The following CSRNP3 variants were observed in gnomAD, a reference collection of about 807,000 sequenced individuals.
The protein encoded by CSRNP3 is cysteine/serine-rich nuclear protein 3.
A neutral mutation model predicts 48.0 loss-of-function variants in CSRNP3; 12 were observed. The ratio of observed to expected loss-of-function variants is 0.25; its 90% CI spans 0.16 to 0.41. The LOEUF (loss-of-function observed/expected upper bound fraction) is 0.41, where lower values mean the gene tolerates loss of function less well. CSRNP3 is among the 10% of genes least tolerant of loss of function. The pLI, the probability that CSRNP3 is intolerant of heterozygous loss-of-function variation, is 1.00. For missense variants in CSRNP3, 580 were observed against 724.4 expected, an observed-to-expected ratio of 0.80 and a Z score of 2.29; for synonymous variants, 263 against 269.7, an observed-to-expected ratio of 0.98 and a Z score of 0.24.
At chr2:165,650,084 C>T (rs1288831845) in intron 4 of CSRNP3, among the ~76,000 whole-genome samples, 1 of 152,024 alleles carries the variant, frequency 6.6e-6, no homozygotes, top group African/African-American at 2.4e-5. Context: ...CCCAATTAGT[C>T]TTTATTTTCA....
At chr2:165,512,885 A>G (rs1039330265) in intron 2 of CSRNP3, among the ~76,000 whole-genome samples, 2 of 152,338 alleles carry the variant, frequency 1.3e-5, no homozygotes. Context: ...AGGGAGGATC[A>G]CAAGGTCAGG....
intron 4 of CSRNP3, among the ~76,000 whole-genome samples, chr2:165,599,443 C>T (rs2105299624): frequency 6.6e-6 from 1 of 152,244 alleles, no homozygotes; most frequent in South Asian, 2.1e-4. Flanking sequence ...GTGCACACCA[C>T]TGCACCAGGC....
intron 4 of CSRNP3, among the ~76,000 whole-genome samples, chr2:165,643,960 C>T (rs1037978647): frequency 6.6e-6 from 1 of 152,142 alleles, no homozygotes; most frequent in African/African-American, 2.4e-5. Context: ...TTTGTAAAAC[C>T]ATCACTAATT....
At chr2:165,630,306 A>G (rs1174917907) in intron 4 of CSRNP3, among the ~76,000 whole-genome samples, 1 of 152,126 alleles carries the variant, frequency 6.6e-6, no homozygotes, top group Non-Finnish European at 1.5e-5. Context: ...TAGAATAGCC[A>G]TTTTTATTTC....
intron 3 of CSRNP3, among the ~76,000 whole-genome samples, chr2:165,584,175 G>T (rs1685591392): frequency 6.6e-6 from 1 of 152,074 alleles, no homozygotes; most frequent in Admixed American, 6.6e-5. Flanking sequence ...AAGATGTCAG[G>T]ATATTAGGAC....
chr2:165,622,238 C>T (rs113075254), intron 4 of CSRNP3, among the ~76,000 whole-genome samples: 2,937 of 152,188 alleles, frequency 0.019, 86 homozygotes, highest in African/African-American at 0.065. Flanking sequence ...GTTCATCATG[C>T]TATTAGGCAG....
At chr2:165,639,395 G>C (rs904367684) in intron 4 of CSRNP3, among the ~76,000 whole-genome samples, 1 of 152,136 alleles carries the variant, frequency 6.6e-6, no homozygotes, top group Non-Finnish European at 1.5e-5. Flanking sequence ...TATTGATTTG[G>C]AGTTACAAAT....
chr2:165,674,769 T>C (rs1465872148), intron 5 of CSRNP3, among the ~76,000 whole-genome samples: 2 of 149,286 alleles, frequency 1.3e-5, no homozygotes, highest in Admixed American at 1.3e-4. Flanking sequence ...TGGAATGCAG[T>C]GGTGCAATCA....
rs370659277 is a variant in CSRNP3 at position 165,684,472 on chromosome 2, T to A, written c.*4719T>A. ...CAGGCTTTAATGGGAAGCACCTTTG[T>A]GCTTTCAAAGGCAAGACTTGTCTGT... is the stretch of plus-strand genomic sequence containing the variant. On this transcript the variant is annotated 3_prime_UTR_variant, in exon 7 of 7. Transcript: ENST00000651982. 1 of 152,154 alleles carries A rather than the reference T, an allele frequency of 6.6e-6. No individual in the cohort carries two copies. The highest frequency in any genetic ancestry group is 1.5e-5 in the Non-Finnish European group (1 of 68,004). The allele number at this position is 152,154 out of a possible 1,614,324, so 9.4% of individuals were successfully genotyped here. A position where few individuals can be genotyped will look rare whatever the true frequency, so the allele number is the denominator to read the frequency against.
intron 4 of CSRNP3, among the ~76,000 whole-genome samples, chr2:165,599,328 AG>A (rs1183966248): frequency 1.5e-3 from 223 of 151,198 alleles, no homozygotes; most frequent in African/African-American, 5.1e-3. Flanking sequence ...AAAGAAAGAA[AG>A]GAAAAGAAAA....
intron 1 of CSRNP3, among the ~76,000 whole-genome samples, chr2:165,480,617 A>T (rs1006671163): frequency 3.3e-5 from 5 of 151,852 alleles, no homozygotes; most frequent in African/African-American, 1.2e-4. Flanking sequence ...TAATATCCCA[A>T]TGCACCCTTA....
chr2:165,581,456 C>A (rs182848383), intron 3 of CSRNP3, among the ~76,000 whole-genome samples: 1 of 152,084 alleles, frequency 6.6e-6, no homozygotes, highest in Non-Finnish European at 1.5e-5. Context: ...GAGGTCATGG[C>A]TTTTGTCATT....
At chr2:165,484,014 G>A (rs1227703386) in intron 1 of CSRNP3, among the ~76,000 whole-genome samples, 1 of 152,128 alleles carries the variant, frequency 6.6e-6, no homozygotes, top group Non-Finnish European at 1.5e-5. Flanking sequence ...TCTTAGGAAT[G>A]CTAGTAAGAA....
At chr2:165,555,219 G>A (rs943929853) in intron 3 of CSRNP3, among the ~76,000 whole-genome samples, 1 of 151,450 alleles carries the variant, frequency 6.6e-6, no homozygotes, top group African/African-American at 2.5e-5. Flanking sequence ...ACTTTAGTTA[G>A]TTTCTTTTTG....
chr2:165,649,744 T>C (rs1378243031), intron 4 of CSRNP3, among the ~76,000 whole-genome samples: 6 of 152,212 alleles, frequency 3.9e-5, no homozygotes, highest in Non-Finnish European at 8.8e-5. Flanking sequence ...AATGCTACTT[T>C]CATAGTAATA....
intron 2 of CSRNP3, among the ~76,000 whole-genome samples, chr2:165,502,179 A>G (rs1165926709): frequency 6.6e-6 from 1 of 152,028 alleles, no homozygotes; most frequent in African/African-American, 2.4e-5. Flanking sequence ...ATTAATTATT[A>G]TATAATCAAC....
At chr2:165,598,904 G>A (rs1685853936) in intron 4 of CSRNP3, among the ~76,000 whole-genome samples, 2 of 152,022 alleles carry the variant, frequency 1.3e-5, no homozygotes, top group Non-Finnish European at 2.9e-5. Context: ...AAATAGTAAA[G>A]ACTCAAAAGA....
intron 3 of CSRNP3, among the ~76,000 whole-genome samples, chr2:165,580,787 A>G (rs1043691325): frequency 6.6e-6 from 1 of 152,206 alleles, no homozygotes; most frequent in Non-Finnish European, 1.5e-5. Flanking sequence ...TTTAAGTGCT[A>G]AGAAGAAACA....
intron 6 of CSRNP3, among the ~76,000 whole-genome samples, 190 bp from the exon 7 acceptor site, chr2:165,678,511 A>C (rs1456379702): frequency 1.3e-5 from 2 of 152,198 alleles, no homozygotes; most frequent in Non-Finnish European, 2.9e-5. Flanking sequence ...TATAAAAAGC[A>C]GTTAACTCTT....
Sources: allele counts gnomAD v4.1 joint callset (sites outside exome capture counted in the v4.1 genomes callset), GRCh38; gene constraint gnomAD v4.1.1; transcripts MANE v1.5; gene names NCBI Gene and HGNC (gene_info 2026-07-23, HGNC 2026-07-21).